The following GALNTL6 variants were observed in gnomAD, a reference collection of about 807,000 sequenced individuals.
GALNTL6 encodes polypeptide N-acetylgalactosaminyltransferase-like 6.
A neutral mutation model predicts 73.7 loss-of-function variants in GALNTL6; 46 were observed. The ratio of observed to expected loss-of-function variants is 0.62; its 90% CI spans 0.49 to 0.80. The LOEUF is 0.80. Ranked by LOEUF, GALNTL6 falls within the 30% of genes least tolerant of loss-of-function variation. The probability of loss-of-function intolerance (pLI) is 0.00; values close to 1 mark genes in which losing one functional copy is unlikely to be tolerated. For synonymous variants in GALNTL6, 259 were observed against 263.7 expected (o/e 0.98, Z 0.17); for missense variants, 604 against 755.0 (o/e 0.80, Z 2.34).
intron 5 of GALNTL6, among the ~76,000 whole-genome samples, chr4:172,571,118 G>A (rs534725421): frequency 2.4e-4 from 37 of 152,282 alleles, no homozygotes; most frequent in African/African-American, 8.7e-4. Flanking sequence ...CTGGTATAGG[G>A]GTTGGGGACC....
At chr4:172,098,944 C>T (rs1368082913) in intron 2 of GALNTL6, among the ~76,000 whole-genome samples, 2 of 152,046 alleles carry the variant, frequency 1.3e-5, no homozygotes, top group Non-Finnish European at 2.9e-5. Context: ...GTGATAGTCA[C>T]AGATAATAAT....
intron 2 of GALNTL6, among the ~76,000 whole-genome samples, chr4:172,004,330 A>G (rs536333062): frequency 2.6e-5 from 4 of 152,302 alleles, no homozygotes; most frequent in Non-Finnish European, 5.9e-5. Context: ...GATAAAATCA[A>G]CAGCAACTCT....
At chr4:171,903,187 A>C (rs968997257) in intron 2 of GALNTL6, among the ~76,000 whole-genome samples, 1 of 152,150 alleles carries the variant, frequency 6.6e-6, no homozygotes, top group Non-Finnish European at 1.5e-5. Context: ...TCCCAGCGTG[A>C]GCGACACAGA....
intron 2 of GALNTL6, among the ~76,000 whole-genome samples, chr4:171,964,694 G>A (rs943346779): frequency 6.6e-6 from 1 of 152,188 alleles, no homozygotes; most frequent in African/African-American, 2.4e-5. Flanking sequence ...AAGTTGAACA[G>A]TTGGTCTAGT....
chr4:172,598,594 T>G (rs1159754676), intron 5 of GALNTL6, among the ~76,000 whole-genome samples: 3 of 152,134 alleles, frequency 2.0e-5, no homozygotes, highest in Non-Finnish European at 4.4e-5. Flanking sequence ...ATTCATGCCT[T>G]TGCTCTACAA....
chr4:171,919,976 T>A (rs1205984542), intron 2 of GALNTL6, among the ~76,000 whole-genome samples: 1 of 152,198 alleles, frequency 6.6e-6, no homozygotes, highest in Non-Finnish European at 1.5e-5. Context: ...ATTGCGGCAC[T>A]ATTCACAATA....
chr4:172,139,046 G>A (rs1733732331), intron 2 of GALNTL6, among the ~76,000 whole-genome samples: 2 of 152,134 alleles, frequency 1.3e-5, no homozygotes, highest in African/African-American at 4.8e-5. Flanking sequence ...GAAGGGAAAG[G>A]TGGCAGACAA....
intron 5 of GALNTL6, among the ~76,000 whole-genome samples, chr4:172,401,919 G>T (rs889833766): frequency 3.6e-5 from 5 of 137,846 alleles, no homozygotes; most frequent in Non-Finnish European, 4.7e-5. Context: ...GAGAGAGAGG[G>T]GGAGAGAGGG....
chr4:172,174,001 CA>C (rs1451740453), intron 2 of GALNTL6, among the ~76,000 whole-genome samples: 2 of 152,048 alleles, frequency 1.3e-5, no homozygotes, highest in East Asian at 3.9e-4. Flanking sequence ...AAGTGCAAGT[CA>C]TTGAAGGATT....
chr4:172,267,602 G>C (rs1371768457), intron 3 of GALNTL6, among the ~76,000 whole-genome samples: 1 of 152,056 alleles, frequency 6.6e-6, no homozygotes, highest in East Asian at 1.9e-4. Context: ...CTGCCAAAGA[G>C]ACACTGTGAA....
rs770813700 is a variant in GALNTL6 at position 172,790,896 on chromosome 4, C to CAAAAA, written c.554-18448_554-18444dup. On this transcript the variant is annotated intron_variant, in intron 5 of 12. Transcript: ENST00000506823. ...CCTGGGCTACAGAGTGAGACTCCAT[C>CAAAAA]AAAAAAAAAAAAAAAAAAAAAGCAT... 2.0e-3 allele frequency among the ~76,000 whole-genome samples: 144 copies of CAAAAA among 71,388 alleles called. 1 individual carries two copies. The highest frequency in any genetic ancestry group is 7.0e-3 in the African/African-American group (137 of 19,434). The allele number at this position is 71,388 out of a possible 152,430, so 46.8% of individuals were successfully genotyped here.
chr4:172,042,230 G>T (rs979041809), intron 2 of GALNTL6, among the ~76,000 whole-genome samples: 3 of 151,952 alleles, frequency 2.0e-5, no homozygotes, highest in Non-Finnish European at 4.4e-5. Flanking sequence ...GGTAAACTCT[G>T]CTACTAATTG....
At chr4:171,887,913 G>T (rs570517275) in intron 2 of GALNTL6, among the ~76,000 whole-genome samples, 2 of 152,192 alleles carry the variant, frequency 1.3e-5, no homozygotes, top group Non-Finnish European at 1.5e-5. Context: ...CTCAAATAAG[G>T]TCATAGTATA....
chr4:172,123,752 G>A (rs1397457426), intron 2 of GALNTL6, among the ~76,000 whole-genome samples: 1 of 152,068 alleles, frequency 6.6e-6, no homozygotes, highest in Non-Finnish European at 1.5e-5. Flanking sequence ...ACCCACCTCA[G>A]CCTCCCAAAG....
chr4:172,794,832 C>T (rs1179842997), intron 5 of GALNTL6, among the ~76,000 whole-genome samples: 4 of 152,152 alleles, frequency 2.6e-5, no homozygotes, highest in African/African-American at 7.2e-5. Flanking sequence ...CCTACTCTAC[C>T]TCTGTGTTCT....
intron 2 of GALNTL6, among the ~76,000 whole-genome samples, chr4:171,996,794 A>G (rs1235938486): frequency 6.6e-6 from 1 of 151,822 alleles, no homozygotes; most frequent in East Asian, 1.9e-4. Flanking sequence ...CTGCATTCAA[A>G]GCTGTCCTGG....
intron 3 of GALNTL6, among the ~76,000 whole-genome samples, chr4:172,248,893 G>A (rs1306796132): frequency 6.6e-6 from 1 of 152,160 alleles, no homozygotes; most frequent in African/African-American, 2.4e-5. Flanking sequence ...GTGGAACTGT[G>A]AGTCAATTAA....
chr4:172,864,555 G>A (rs1364607304), intron 7 of GALNTL6, among the ~76,000 whole-genome samples: 1 of 152,150 alleles, frequency 6.6e-6, no homozygotes, highest in African/African-American at 2.4e-5. Context: ...ATAACAGTTT[G>A]CTGTTTCCCT....
chr4:172,341,422 G>A (rs1381783519), intron 4 of GALNTL6, among the ~76,000 whole-genome samples: 1 of 133,456 alleles, frequency 7.5e-6, no homozygotes, highest in East Asian at 2.3e-4. Flanking sequence ...CTGCACTCCA[G>A]CCTGGGCGAC....
Sources: allele counts gnomAD v4.1 joint callset (sites outside exome capture counted in the v4.1 genomes callset), GRCh38; gene constraint gnomAD v4.1.1; transcripts MANE v1.5; gene names NCBI Gene and HGNC (gene_info 2026-07-23, HGNC 2026-07-21).